The following SPECC1 variants were observed in gnomAD, a reference collection of about 807,000 sequenced individuals.
SPECC1 encodes sperm antigen with calponin homology and coiled-coil domains 1, also known as cytospin-B.
A neutral mutation model predicts 104.1 loss-of-function variants in SPECC1; 62 were observed. The ratio of observed to expected loss-of-function variants is 0.60; its 90% CI spans 0.49 to 0.74. The LOEUF is 0.74. SPECC1 is among the 30% of genes least tolerant of loss of function. The pLI, the probability that SPECC1 is intolerant of heterozygous loss-of-function variation, is 0.00. For synonymous variants in SPECC1, 513 were observed against 501.6 expected, an observed-to-expected ratio of 1.02 and a Z score of -0.30; for missense variants, 1,306 against 1,310.5, an observed-to-expected ratio of 1.00 and a Z score of 0.05.
In SPECC1 at chr17:20,294,630, G is replaced by A. The variant is rs534557230; in HGVS notation, c.2941-2331G>A. Among the ~76,000 whole-genome samples the A allele has an allele frequency of 3.0e-4, 19 of 62,716 alleles. No individual in the cohort carries two copies. The Admixed American group carries it at 3.2e-3, about 10-fold the overall frequency. The allele number at this position is 62,716 out of a possible 152,430, so 41.1% of individuals were successfully genotyped here. A position where few individuals can be genotyped will look rare whatever the true frequency, so the allele number is the denominator to read the frequency against. ...CATGGTTATGAAGGTAATGACGACG[G>A]TGGTGGGGATGATGGTCATGGTTAT... On this transcript the variant is annotated intron_variant, in intron 12 of 14. Coordinates refer to ENST00000395527, the MANE Select transcript of SPECC1 (RefSeq NM_001243439.2).
chr17:20,104,015 A>G (rs1177487226), intron 2 of SPECC1, among the ~76,000 whole-genome samples: 1 of 152,214 alleles, frequency 6.6e-6, no homozygotes, highest in Admixed American at 6.5e-5. Flanking sequence ...TCCAGGCCCT[A>G]GGCTATGAGT....
At position 20,312,501 on chromosome 17, in the gene SPECC1, T is replaced by C. The variant is rs140818426; in HGVS notation, c.3118-1475T>C. On this transcript the variant is annotated intron_variant, in intron 14 of 14. Coordinates refer to ENST00000395527, the MANE Select transcript of SPECC1 (RefSeq NM_001243439.2). ...ACCCTTTCCATAATACAGAGGAAAGTGTGCAGTGTGCCATCTCTCTTGTGT... is the reference window on the plus strand; with the variant it reads ...ACCCTTTCCATAATACAGAGGAAAGCGTGCAGTGTGCCATCTCTCTTGTGT... 3.5e-3 allele frequency among the ~76,000 whole-genome samples: 527 copies of C among 152,320 alleles called. 2 individuals carry two copies. Among genetic ancestry groups the C allele is most frequent in the Admixed American group, 5.4e-3 (83 of 15,294 alleles).
chr17:20,017,226 C>T (rs779671103), intron 1 of SPECC1: 2 of 152,264 alleles, frequency 1.3e-5, no homozygotes, highest in Non-Finnish European at 2.9e-5. Flanking sequence ...ACTGCTCACT[C>T]TTTGGGTCTG....
At chr17:20,256,011 G>A (rs1330830094) in intron 10 of SPECC1, among the ~76,000 whole-genome samples, 2 of 152,050 alleles carry the variant, frequency 1.3e-5, no homozygotes, top group Non-Finnish European at 2.9e-5. Context: ...CCGAGTAGCT[G>A]GGACTACAGG....
At chr17:20,254,536 C>G (rs2039755836) in intron 10 of SPECC1, among the ~76,000 whole-genome samples, 1 of 152,172 alleles carries the variant, frequency 6.6e-6, no homozygotes, top group Non-Finnish European at 1.5e-5. Flanking sequence ...ACCTGCTGTT[C>G]TCTGCTGACC....
At chr17:20,138,768 C>A (rs531425121) in intron 3 of SPECC1, among the ~76,000 whole-genome samples, 1 of 152,274 alleles carries the variant, frequency 6.6e-6, no homozygotes, top group African/African-American at 2.4e-5. Flanking sequence ...TATCCATTCT[C>A]CTACTGAAGG....
In SPECC1 at chr17:20,204,503, A is replaced by G. The variant is rs775923771; in HGVS notation, c.454A>G (p.Thr152Ala). The change falls in exon 4 of 15, where the codon ACA becomes GCA. Residue 152 changes from threonine (T) to alanine (A), a missense_variant. Physicochemically the swap from Thr to Ala is moderately conservative, Grantham distance 58 (BLOSUM62 0). Coordinates refer to ENST00000395527, the MANE Select transcript of SPECC1 (RefSeq NM_001243439.2). ...TACGAAACACCTGAGGACCCCTTCCACAAAGCCCAAGCAAGAGAATGAAGG... is the reference window on the plus strand; with the variant it reads ...TACGAAACACCTGAGGACCCCTTCCGCAAAGCCCAAGCAAGAGAATGAAGG... ...TPTKHLRTPS[T>A]KPKQENEGGE... The G allele has an allele frequency of 3.1e-6, 5 of 1,614,020 alleles. No individual in the cohort carries two copies. The highest frequency in any genetic ancestry group is 1.7e-5 in the Admixed American group (1 of 59,988).
Position 20,314,417 on chromosome 17 carries a change from G to T in SPECC1, c.*352G>T, listed in dbSNP as rs554994763. The T allele has an allele frequency of 1.3e-5, 4 of 312,992 alleles. No homozygotes were observed. Among genetic ancestry groups the T allele is most frequent in the Middle Eastern group, 9.4e-4 (1 of 1,060 alleles). 19.4% of individuals were successfully genotyped at this position (312,992 alleles called of 1,614,324 possible). On this transcript the variant is annotated 3_prime_UTR_variant, in exon 15 of 15. Transcript: ENST00000395527. The stretch of plus-strand genomic sequence containing the variant: ...CATTATCTGCAGAAATTCAGACAAA[G>T]AACATCTCCAAATCAGTCTTTTGGT...
chr17:20,101,884 A>T (rs2047962924), intron 2 of SPECC1, among the ~76,000 whole-genome samples: 1 of 152,214 alleles, frequency 6.6e-6, no homozygotes, highest in African/African-American at 2.4e-5. Flanking sequence ...GTTATGTCTG[A>T]TGATTTTAGG....
intron 1 of SPECC1, among the ~76,000 whole-genome samples, chr17:20,015,741 C>T (rs1446040040): frequency 4.6e-5 from 7 of 150,774 alleles, no homozygotes; most frequent in Middle Eastern, 3.4e-3. Flanking sequence ...CCCACCACCA[C>T]GCCCGGCTAA....
At chr17:20,164,205 G>A (rs1427333463) in intron 3 of SPECC1, among the ~76,000 whole-genome samples, 1 of 140,758 alleles carries the variant, frequency 7.1e-6, no homozygotes, top group Non-Finnish European at 1.5e-5. Flanking sequence ...ACAAAGTCTT[G>A]CTCTGTTGGC....
intron 12 of SPECC1, among the ~76,000 whole-genome samples, chr17:20,282,475 A>G (rs2040807053): frequency 6.6e-6 from 1 of 152,268 alleles, no homozygotes; most frequent in Non-Finnish European, 1.5e-5. Context: ...ATTAGTCTCT[A>G]AATTTAATGC....
intron 3 of SPECC1, among the ~76,000 whole-genome samples, chr17:20,189,425 G>A (rs1007430945): frequency 3.9e-5 from 6 of 152,214 alleles, no homozygotes; most frequent in Non-Finnish European, 7.3e-5. Flanking sequence ...TGCCTGCTTT[G>A]CACTTTTCAA....
chr17:20,061,420 T>C (rs961712836), intron 1 of SPECC1, among the ~76,000 whole-genome samples: 1 of 152,226 alleles, frequency 6.6e-6, no homozygotes, highest in East Asian at 1.9e-4. Flanking sequence ...TTTGTTGAAC[T>C]TCCATGGGCC....
chr17:20,069,801 T>A (rs999298450), intron 1 of SPECC1, among the ~76,000 whole-genome samples: 10 of 152,044 alleles, frequency 6.6e-5, no homozygotes, highest in Non-Finnish European at 4.4e-5. Flanking sequence ...TACTCATACA[T>A]ATTGATAAAT....
chr17:20,070,780 G>A (rs1567823719), intron 1 of SPECC1, among the ~76,000 whole-genome samples: 1 of 151,962 alleles, frequency 6.6e-6, no homozygotes, highest in Non-Finnish European at 1.5e-5. Context: ...ATGCACAGAT[G>A]TTTGTCTCAT....
chr17:20,281,274 G>A (rs2040762267), intron 12 of SPECC1, among the ~76,000 whole-genome samples: 1 of 152,296 alleles, frequency 6.6e-6, no homozygotes, highest in South Asian at 2.1e-4. Context: ...CCAACATTAA[G>A]TGAGGACTTA....
intron 3 of SPECC1, among the ~76,000 whole-genome samples, chr17:20,111,512 A>G (rs2048489925): frequency 6.6e-6 from 1 of 152,216 alleles, no homozygotes; most frequent in South Asian, 2.1e-4. Flanking sequence ...CTTGGTTTTT[A>G]AAATACAATA....
At chr17:20,056,032 C>CT (rs1387199567) in intron 1 of SPECC1, among the ~76,000 whole-genome samples, 1 of 152,196 alleles carries the variant, frequency 6.6e-6, no homozygotes, top group African/African-American at 2.4e-5. Context: ...TTTCTGTTAG[C>CT]TAGATCTCTC....
Sources: gnomAD v4.1 joint callset for allele counts (sites outside exome capture counted in the v4.1 genomes callset) on GRCh38, gnomAD v4.1.1 for gene constraint, MANE v1.5 for transcripts, NCBI Gene and HGNC (gene_info 2026-07-23, HGNC 2026-07-21) for gene names.